Variants in TACR1 observed in about 807,000 individuals in gnomAD.
The protein encoded by TACR1 is substance-P receptor.
Under a neutral mutation model 35.8 loss-of-function variants are expected in TACR1, and 25 were observed. The observed-to-expected ratio is 0.70, with a 90% CI of 0.51 to 0.98. TACR1 has a LOEUF of 0.98. TACR1 is among the 50% of genes least tolerant of loss of function. The probability of loss-of-function intolerance (pLI) is 0.00; values close to 1 mark genes in which losing one functional copy is unlikely to be tolerated. For missense variants in TACR1, 478 were observed against 522.9 expected, an observed-to-expected ratio of 0.91 and a Z score of 0.84; for synonymous variants, 195 against 206.7, an observed-to-expected ratio of 0.94 and a Z score of 0.48.
At chr2:75,187,269 CA>C (rs1190690710) in intron 1 of TACR1, 3 of 152,206 alleles carry the variant, frequency 2.0e-5, no homozygotes, top group African/African-American at 7.2e-5. Flanking sequence ...AGCAAATACG[CA>C]AACAAATGCA....
intron 1 of TACR1, among the ~76,000 whole-genome samples, chr2:75,157,888 T>C (rs1446976076): frequency 1.3e-5 from 2 of 152,224 alleles, no homozygotes; most frequent in African/African-American, 4.8e-5. Context: ...TGTTTCTACC[T>C]AGAGACAGGG....
At chr2:75,081,115 A>C (rs1420554198) in intron 2 of TACR1, among the ~76,000 whole-genome samples, 1 of 152,214 alleles carries the variant, frequency 6.6e-6, no homozygotes, top group Non-Finnish European at 1.5e-5. Context: ...TCACCACACC[A>C]GAGGTGCTAG....
At chr2:75,160,247 G>GAA (rs59644017) in intron 1 of TACR1, among the ~76,000 whole-genome samples, 74,599 of 149,730 alleles carry the variant, frequency 0.5, 19,044 homozygotes, top group Non-Finnish European at 0.54. Flanking sequence ...TGAGTAAATA[G>GAA]AAAAAAAAAT....
chr2:75,064,702 G>A (rs1417862087), intron 2 of TACR1, among the ~76,000 whole-genome samples: 3 of 152,180 alleles, frequency 2.0e-5, no homozygotes, highest in Non-Finnish European at 4.4e-5. Context: ...ATCTGAGTGC[G>A]AATTCAAGAA....
chr2:75,166,350 G>A (rs1045857529), intron 1 of TACR1, among the ~76,000 whole-genome samples: 19 of 152,098 alleles, frequency 1.2e-4, no homozygotes, highest in African/African-American at 4.3e-4. Context: ...AATTATAAAA[G>A]CATTCCCATT....
At chr2:75,195,905 A>G (rs6725334) in intron 1 of TACR1, among the ~76,000 whole-genome samples, 86,086 of 152,024 alleles carry the variant, frequency 0.57, 26,462 homozygotes, top group African/African-American at 0.83. Flanking sequence ...ATGGAAAAAT[A>G]TAGGCTACAA....
Position 75,161,038 on chromosome 2 carries a change from A to G in TACR1, c.389+37508T>C, listed in dbSNP as rs145593946. The stretch of plus-strand genomic sequence containing the variant: ...AAAATTATGACATGAGAAATCTTAT[A>G]GAGTGATAATTGTCTACCTAAGTTG... On this transcript the variant is annotated intron_variant, in intron 1 of 4. Transcript: ENST00000305249. Among the ~76,000 whole-genome samples the G allele has an allele frequency of 4.3e-3, 653 of 152,140 alleles. 3 individuals carry two copies. The highest frequency in any genetic ancestry group is 7.3e-3 in the Non-Finnish European group (493 of 67,976).
chr2:75,117,854 G>A (rs1280944473), intron 2 of TACR1, among the ~76,000 whole-genome samples: 1 of 152,114 alleles, frequency 6.6e-6, no homozygotes, highest in Non-Finnish European at 1.5e-5. Context: ...AAACAGAATG[G>A]TCGTATGAAT....
chr2:75,131,699 G>A (rs1017997146), intron 1 of TACR1, among the ~76,000 whole-genome samples: 12 of 152,118 alleles, frequency 7.9e-5, no homozygotes, highest in African/African-American at 1.7e-4. Flanking sequence ...AGTTTTGTAG[G>A]TATACAGTAA....
intron 1 of TACR1, among the ~76,000 whole-genome samples, chr2:75,145,910 G>A (rs988670296): frequency 2.0e-5 from 3 of 152,260 alleles, no homozygotes; most frequent in South Asian, 2.1e-4. Flanking sequence ...CAGATCCAGC[G>A]ACAGAGATGT....
At chr2:75,144,246 G>A (rs537601188) in intron 1 of TACR1, among the ~76,000 whole-genome samples, 33 of 152,266 alleles carry the variant, frequency 2.2e-4, no homozygotes, top group South Asian at 2.1e-3. Flanking sequence ...TAATTAAAGC[G>A]TGGGCACAGC....
intron 1 of TACR1, among the ~76,000 whole-genome samples, chr2:75,190,617 T>C (rs1675820573): frequency 6.6e-6 from 1 of 152,192 alleles, no homozygotes; most frequent in Non-Finnish European, 1.5e-5. Context: ...TTTAGTGGTA[T>C]TTAGTGGATG....
intron 2 of TACR1, among the ~76,000 whole-genome samples, chr2:75,091,154 A>T (rs1176599593): frequency 1.4e-5 from 2 of 146,284 alleles, no homozygotes; most frequent in Non-Finnish European, 3.0e-5. Context: ...ATAGTGCTTC[A>T]CAGAACTCCT....
chr2:75,058,667 C>A (rs1672616452), intron 2 of TACR1, among the ~76,000 whole-genome samples: 1 of 152,210 alleles, frequency 6.6e-6, no homozygotes. Flanking sequence ...AAGGAAGGCT[C>A]AAGCAACAAC....
At chr2:75,100,091 A>C (rs1443825471) in intron 2 of TACR1, among the ~76,000 whole-genome samples, 1 of 151,954 alleles carries the variant, frequency 6.6e-6, no homozygotes. Flanking sequence ...CCACACCCCC[A>C]CACACATCAC....
At chr2:75,069,957 C>T (rs1424115164) in intron 2 of TACR1, among the ~76,000 whole-genome samples, 1 of 140,932 alleles carries the variant, frequency 7.1e-6, no homozygotes, top group East Asian at 2.1e-4. Context: ...ATGTGCTGCC[C>T]ACATTCACAG....
intron 2 of TACR1, among the ~76,000 whole-genome samples, chr2:75,063,102 C>T (rs111935639): frequency 0.048 from 7,361 of 152,230 alleles, 598 homozygotes; most frequent in African/African-American, 0.17. Context: ...GTGAGACTTA[C>T]TCACTATCAC....
In TACR1 at chr2:75,083,016, A is replaced by G. The variant is rs568718127; in HGVS notation, c.585-29261T>C. ...GTCCTTGCCCATGCCTATGTCCTGA[A>G]TGGTATTGCCTAGGTTTTCTTCTAG... On this transcript the variant is annotated intron_variant, in intron 2 of 4. Coordinates refer to ENST00000305249, the MANE Select transcript of TACR1 (RefSeq NM_001058.4). Among the ~76,000 whole-genome samples the G allele has an allele frequency of 1.7e-4, 26 of 152,226 alleles. 1 individual carries two copies. The South Asian group carries it at 5.4e-3, about 32-fold the overall frequency.
intron 2 of TACR1, among the ~76,000 whole-genome samples, chr2:75,061,513 A>G (rs1198824485): frequency 6.6e-6 from 1 of 152,008 alleles, no homozygotes; most frequent in African/African-American, 2.4e-5. Flanking sequence ...AGGATAGGGG[A>G]TATGAAGCCC....
Sources: gnomAD v4.1 joint callset for allele counts (sites outside exome capture counted in the v4.1 genomes callset) on GRCh38, gnomAD v4.1.1 for gene constraint, MANE v1.5 for transcripts, NCBI Gene and HGNC (gene_info 2026-07-23, HGNC 2026-07-21) for gene names.